Variants in RANBP17 observed in about 807,000 individuals in gnomAD.
RANBP17 encodes ran-binding protein 17.
RANBP17 carries 158 observed loss-of-function variants against 141.2 expected under a neutral mutation model. That is an observed-to-expected ratio of 1.12 (90% CI 0.98 to 1.28). RANBP17 has a LOEUF of 1.28. Among genes scored for constraint, RANBP17 ranks in the 50% most tolerant of loss-of-function variants. The probability of loss-of-function intolerance (pLI) is 0.00; values close to 1 mark genes in which losing one functional copy is unlikely to be tolerated. For missense variants in RANBP17, 1,438 were observed against 1,290.7 expected (o/e 1.11, Z -1.75); for synonymous variants, 430 against 450.0 (o/e 0.96, Z 0.56).
intron 26 of RANBP17, among the ~76,000 whole-genome samples, chr5:171,295,160 ATGT>A (rs1768738264): frequency 6.6e-6 from 1 of 152,118 alleles, no homozygotes; most frequent in Admixed American, 6.5e-5. Flanking sequence ...GACTGGCAAA[ATGT>A]TGTCTTTGTG....
At chr5:170,901,992 A>G (rs894141819) in intron 5 of RANBP17, among the ~76,000 whole-genome samples, 2 of 151,994 alleles carry the variant, frequency 1.3e-5, no homozygotes, top group Non-Finnish European at 2.9e-5. Context: ...TCTGACGATT[A>G]TGTGTCTTGG....
chr5:171,124,758 A>G (rs1756303261), intron 14 of RANBP17, among the ~76,000 whole-genome samples: 1 of 152,214 alleles, frequency 6.6e-6, no homozygotes, highest in African/African-American at 2.4e-5. Context: ...ACAACAAAAA[A>G]AAACCACCAA....
chr5:170,909,168 ATTAT>A (rs1018909103), intron 5 of RANBP17, among the ~76,000 whole-genome samples: 56 of 152,030 alleles, frequency 3.7e-4, no homozygotes, highest in African/African-American at 1.1e-3. Flanking sequence ...CAGATTTCTG[ATTAT>A]TTATAATTTC....
intron 14 of RANBP17, among the ~76,000 whole-genome samples, chr5:171,160,820 C>T (rs1702002828): frequency 6.6e-6 from 1 of 151,884 alleles, no homozygotes; most frequent in Non-Finnish European, 1.5e-5. Context: ...GAGATGAAGT[C>T]TCACTCTTGT....
chr5:171,090,265 C>G (rs1028426649), intron 14 of RANBP17, among the ~76,000 whole-genome samples: 2 of 152,124 alleles, frequency 1.3e-5, no homozygotes, highest in Non-Finnish European at 2.9e-5. Flanking sequence ...TTGTTGGGAA[C>G]TGGAGCAAAG....
intron 24 of RANBP17, among the ~76,000 whole-genome samples, chr5:171,256,285 G>T (rs1765888001): frequency 1.3e-5 from 2 of 152,092 alleles, no homozygotes; most frequent in African/African-American, 4.8e-5. Context: ...TTTTAAAATG[G>T]GAGTAATACC....
In RANBP17 at chr5:170,996,978, A is replaced by G. The variant is rs527825074; in HGVS notation, c.1710+28601A>G. 2.0e-5 allele frequency among the ~76,000 whole-genome samples: 3 copies of G among 152,232 alleles called. No homozygotes were observed. In the South Asian group the frequency reaches 6.2e-4, roughly 32 times the overall value. On this transcript the variant is annotated intron_variant, in intron 14 of 27. Coordinates refer to ENST00000523189, the MANE Select transcript of RANBP17 (RefSeq NM_022897.5). Reference sequence around the variant, plus strand: ...CGGTTAAGCTTTGTGTCCCCACCCAAATCTCATTTTGAATCATAATCGTCA... The same window carrying G: ...CGGTTAAGCTTTGTGTCCCCACCCAGATCTCATTTTGAATCATAATCGTCA...
At chr5:171,104,360 A>G (rs955724822) in intron 14 of RANBP17, among the ~76,000 whole-genome samples, 6 of 152,116 alleles carry the variant, frequency 3.9e-5, no homozygotes, top group African/African-American at 1.4e-4. Flanking sequence ...TATCTTACAT[A>G]TGTCAGTTAT....
chr5:171,077,264 C>T (rs780141757), intron 14 of RANBP17, among the ~76,000 whole-genome samples: 7 of 151,882 alleles, frequency 4.6e-5, no homozygotes, highest in African/African-American at 9.7e-5. Flanking sequence ...GGCGTGAACC[C>T]GGTAGGCCGA....
intron 14 of RANBP17, among the ~76,000 whole-genome samples, chr5:171,083,707 G>A (rs1165230924): frequency 6.6e-6 from 1 of 152,138 alleles, no homozygotes; most frequent in African/African-American, 2.4e-5. Flanking sequence ...CACATGTTGT[G>A]GGAGGAACCC....
At chr5:171,285,021 C>T (rs1768077237) in intron 25 of RANBP17, among the ~76,000 whole-genome samples, 1 of 152,162 alleles carries the variant, frequency 6.6e-6, no homozygotes, top group South Asian at 2.1e-4. Flanking sequence ...ACTCCTTGCC[C>T]CTTAAATCTA....
intron 14 of RANBP17, among the ~76,000 whole-genome samples, chr5:171,144,585 A>G (rs1389929170): frequency 1.3e-5 from 2 of 152,082 alleles, no homozygotes; most frequent in Non-Finnish European, 2.9e-5. Flanking sequence ...TGGTGCCCCC[A>G]TTGCCTTCCC....
chr5:170,921,311 C>T (rs1772443560), intron 11 of RANBP17, among the ~76,000 whole-genome samples: 1 of 152,140 alleles, frequency 6.6e-6, no homozygotes, highest in Non-Finnish European at 1.5e-5. Context: ...CTACATATGG[C>T]TAGTCAGTTT....
intron 14 of RANBP17, among the ~76,000 whole-genome samples, chr5:171,146,548 C>CA (rs199996602): frequency 1.1e-3 from 159 of 147,212 alleles, no homozygotes; most frequent in African/African-American, 2.4e-3. Context: ...CCTCTAAGAC[C>CA]AAAAAAAAAC....
chr5:170,911,276 A>C (rs1771505793), intron 7 of RANBP17, 142 bp downstream of exon 7: 1 of 664,996 alleles, frequency 1.5e-6, no homozygotes. Flanking sequence ...AGCTGCTGAT[A>C]GCTAATATTG....
chr5:171,026,982 G>A (rs1346631867), intron 14 of RANBP17, among the ~76,000 whole-genome samples: 3 of 152,020 alleles, frequency 2.0e-5, no homozygotes, highest in South Asian at 4.1e-4. Flanking sequence ...ATAGGAGGAC[G>A]GACCTTATTG....
At chr5:171,109,479 A>T (rs1470713085) in intron 14 of RANBP17, among the ~76,000 whole-genome samples, 1 of 152,210 alleles carries the variant, frequency 6.6e-6, no homozygotes, top group Non-Finnish European at 1.5e-5. Flanking sequence ...TTGAAATGAC[A>T]GTCGTCCCTC....
intron 22 of RANBP17, among the ~76,000 whole-genome samples, chr5:171,224,258 A>G (rs1221056128): frequency 6.6e-6 from 1 of 152,248 alleles, no homozygotes; most frequent in African/African-American, 2.4e-5. Flanking sequence ...AACAGCATAT[A>G]TGTATAAGAA....
chr5:170,899,867 G>T (rs1451355566), intron 5 of RANBP17, among the ~76,000 whole-genome samples: 1 of 152,142 alleles, frequency 6.6e-6, no homozygotes, highest in East Asian at 1.9e-4. Context: ...AGATAAAGCC[G>T]ACTTGATCAT....
Sources: gnomAD v4.1 joint callset for allele counts (sites outside exome capture counted in the v4.1 genomes callset) on GRCh38, gnomAD v4.1.1 for gene constraint, MANE v1.5 for transcripts, NCBI Gene and HGNC (gene_info 2026-07-23, HGNC 2026-07-21) for gene names.